SEMA6D: variants seen among roughly 807,000 people sequenced by gnomAD.
The protein encoded by SEMA6D is semaphorin 6D, also known as semaphorin-6D.
A neutral mutation model predicts 106.6 loss-of-function variants in SEMA6D; 35 were observed. The observed-to-expected ratio is 0.33, with a 90% CI of 0.25 to 0.44. The LOEUF (loss-of-function observed/expected upper bound fraction) is 0.44. Ranked by LOEUF, SEMA6D falls within the 20% of genes least tolerant of loss-of-function variation. The probability of loss-of-function intolerance (pLI) is 1.00; values close to 1 mark genes in which losing one functional copy is unlikely to be tolerated. For missense variants in SEMA6D, 1,185 were observed against 1,345.9 expected (o/e 0.88, Z 1.87); for synonymous variants, 499 against 487.7 (o/e 1.02, Z -0.31).
At chr15:47,718,993 G>A (rs1338551318) in intron 1 of SEMA6D, 1 of 152,262 alleles carries the variant, frequency 6.6e-6, no homozygotes, top group African/African-American at 2.4e-5. Flanking sequence ...CTTCTGTCAT[G>A]TGTAATTCTT....
intron 2 of SEMA6D, among the ~76,000 whole-genome samples, chr15:47,431,494 T>C (rs2041521685): frequency 6.6e-6 from 1 of 152,070 alleles, no homozygotes; most frequent in South Asian, 2.1e-4. Context: ...TTCCCACTAT[T>C]CAACAAACCT....
chr15:47,260,804 A>G (rs2034037378), intron 1 of SEMA6D, among the ~76,000 whole-genome samples: 1 of 152,176 alleles, frequency 6.6e-6, no homozygotes, highest in South Asian at 2.1e-4. Context: ...GACACTTATC[A>G]GTAGCAAGAC....
intron 1 of SEMA6D, among the ~76,000 whole-genome samples, chr15:47,750,632 G>A (rs1358945606): frequency 1.3e-5 from 2 of 152,216 alleles, no homozygotes; most frequent in Non-Finnish European, 2.9e-5. Flanking sequence ...TGTGTGGAAG[G>A]TGAGTCACAG....
chr15:47,559,296 C>A (rs900860713), intron 3 of SEMA6D, among the ~76,000 whole-genome samples: 3 of 152,016 alleles, frequency 2.0e-5, no homozygotes, highest in Non-Finnish European at 4.4e-5. Context: ...TAAAACTGGA[C>A]AAAATCATGA....
intron 1 of SEMA6D, among the ~76,000 whole-genome samples, chr15:47,291,067 TA>T (rs2035576034): frequency 6.6e-6 from 1 of 152,108 alleles, no homozygotes; most frequent in African/African-American, 2.4e-5. Context: ...TCATTCAGAG[TA>T]ATAGAAGAAA....
chr15:47,500,491 A>T (rs1255410627), intron 3 of SEMA6D, among the ~76,000 whole-genome samples: 1 of 152,152 alleles, frequency 6.6e-6, no homozygotes, highest in Non-Finnish European at 1.5e-5. Context: ...AAATCATTTT[A>T]TATAAATTTA....
At chr15:47,705,736 GACGCACATTGACTT>G (rs1191077712) in intron 4 of SEMA6D, among the ~76,000 whole-genome samples, 3 of 152,158 alleles carry the variant, frequency 2.0e-5, no homozygotes, top group Middle Eastern at 3.2e-3. Flanking sequence ...CTGGGTTCTT[GACGCACATTGACTT>G]ACGCTATCAA....
intron 4 of SEMA6D, among the ~76,000 whole-genome samples, chr15:47,631,153 G>C (rs1333887124): frequency 1.3e-5 from 2 of 151,814 alleles, no homozygotes. Context: ...GTATAAAAGA[G>C]GTTGTATAAA....
rs185252602 is a variant in SEMA6D at position 47,541,389 on chromosome 15, A to G, written c.-86-59476A>G. 1.7e-4 allele frequency among the ~76,000 whole-genome samples: 26 copies of G among 152,320 alleles called. No individual in the cohort carries two copies. In the East Asian group the frequency reaches 4.4e-3, roughly 26 times the overall value. ...AAATTCAAGATGAAAGAATCCCTATAGTAAATAAAAAACTTTCATGCCCAG... is the reference window on the plus strand; with the variant it reads ...AAATTCAAGATGAAAGAATCCCTATGGTAAATAAAAAACTTTCATGCCCAG... On this transcript the variant is annotated intron_variant, in intron 3 of 19. Transcript: ENST00000558014.
Position 47,623,674 on chromosome 15 carries a change from C to T in SEMA6D, c.-55+22778C>T, listed in dbSNP as rs1450919545. 4.6e-5 allele frequency among the ~76,000 whole-genome samples: 7 copies of T among 152,074 alleles called. No homozygotes were observed. In the South Asian group the frequency reaches 1.2e-3, roughly 27 times the overall value. ...GCCATGACAGACATGGGAAAAGGTA[C>T]GGATGTTATGTATCTTCTTTCATGT... On this transcript the variant is annotated intron_variant, in intron 4 of 19. Transcript: ENST00000558014.
intron 1 of SEMA6D, among the ~76,000 whole-genome samples, chr15:47,253,305 G>A (rs540666221): frequency 3.8e-4 from 58 of 152,098 alleles, no homozygotes; most frequent in Admixed American, 7.2e-4. Flanking sequence ...CATTTTGCAG[G>A]TTGTCTCTTT....
chr15:47,693,651 T>A (rs771715680), intron 4 of SEMA6D, among the ~76,000 whole-genome samples: 1 of 152,062 alleles, frequency 6.6e-6, no homozygotes, highest in Non-Finnish European at 1.5e-5. Context: ...CAAATTTCTG[T>A]GGGCCAGATG....
chr15:47,724,372 G>T (rs1020264790), intron 1 of SEMA6D, among the ~76,000 whole-genome samples: 1 of 152,194 alleles, frequency 6.6e-6, no homozygotes, highest in African/African-American at 2.4e-5. Flanking sequence ...ATCTTACTGC[G>T]TGCTGTAGGA....
chr15:47,226,099 A>G lies in SEMA6D; in HGVS notation c.-239+41681A>G, dbSNP rs375619821. On this transcript the variant is annotated intron_variant, in intron 1 of 19. Transcript: ENST00000558014. ...CCTAATCCAGTAGAACCACATCTTT[A>G]TAAAAGAAGACAATTTGGATACAGA... is the stretch of plus-strand genomic sequence containing the variant. Among the ~76,000 whole-genome samples the G allele has an allele frequency of 7.2e-5, 11 of 152,200 alleles. No individual in the cohort carries two copies. The East Asian group carries it at 1.4e-3, about 19-fold the overall frequency.
intron 2 of SEMA6D, among the ~76,000 whole-genome samples, chr15:47,432,415 C>A (rs913858151): frequency 1.8e-4 from 28 of 152,078 alleles, no homozygotes; most frequent in African/African-American, 5.8e-4. Flanking sequence ...CCTAATTGTT[C>A]TCTGATTCTT....
chr15:47,260,940 T>C (rs1037156285), intron 1 of SEMA6D, among the ~76,000 whole-genome samples: 5 of 152,130 alleles, frequency 3.3e-5, no homozygotes, highest in African/African-American at 1.2e-4. Flanking sequence ...GTAGGCTTTT[T>C]CTGTTGGGAG....
intron 4 of SEMA6D, among the ~76,000 whole-genome samples, chr15:47,644,371 C>T (rs2077542752): frequency 6.6e-6 from 1 of 152,172 alleles, no homozygotes; most frequent in African/African-American, 2.4e-5. Flanking sequence ...AAATTGTTTA[C>T]TTATGATAAA....
chr15:47,762,124 G>A, intron 7 of SEMA6D, 76 bp from the exon 8 acceptor site: 1 of 1,555,470 alleles, frequency 6.4e-7, no homozygotes, highest in Non-Finnish European at 8.8e-7. Flanking sequence ...GCTCCAAAGG[G>A]CATAACACGC....
intron 1 of SEMA6D, among the ~76,000 whole-genome samples, chr15:47,189,736 G>T (rs1334299254): frequency 2.6e-5 from 4 of 152,280 alleles, no homozygotes; most frequent in South Asian, 4.2e-4. Context: ...CAGATGTGTT[G>T]TCTTGAACTG....
Sources: allele counts gnomAD v4.1 joint callset (sites outside exome capture counted in the v4.1 genomes callset), GRCh38; gene constraint gnomAD v4.1.1; transcripts MANE v1.5; gene names NCBI Gene and HGNC (gene_info 2026-07-23, HGNC 2026-07-21).